Variants in IGF1 observed in about 807,000 individuals in gnomAD.
The protein encoded by IGF1 is insulin-like growth factor 1.
A neutral mutation model predicts 13.8 loss-of-function variants in IGF1; 4 were observed. The observed-to-expected ratio is 0.29, with a 90% CI of 0.14 to 0.66. The LOEUF is 0.66. Ranked by LOEUF, IGF1 falls within the 30% of genes least tolerant of loss-of-function variation. The pLI is 0.78. For synonymous variants in IGF1, 76 were observed against 72.6 expected (o/e 1.05, Z -0.23); for missense variants, 124 against 188.5 (o/e 0.66, Z 2.00).
intron 2 of IGF1, among the ~76,000 whole-genome samples, chr12:102,465,936 C>CAAATAAATAAATAAATAAAT (rs3032454): frequency 7.2e-6 from 1 of 139,390 alleles, no homozygotes; most frequent in African/African-American, 2.7e-5. Flanking sequence ...GACTCTGTTT[C>CAAATAAATAAATAAATAAAT]AAATAAATAA....
intron 2 of IGF1, among the ~76,000 whole-genome samples, chr12:102,457,917 G>A (rs933165186): frequency 6.6e-5 from 10 of 152,038 alleles, no homozygotes; most frequent in African/African-American, 1.7e-4. Flanking sequence ...TGGCTTTTTC[G>A]TTTCAGCTTC....
intron 2 of IGF1, among the ~76,000 whole-genome samples, chr12:102,442,653 C>A (rs1877966659): frequency 6.6e-6 from 1 of 152,030 alleles, no homozygotes; most frequent in African/African-American, 2.4e-5. Flanking sequence ...CACCATCCAA[C>A]AATAACAGGA....
At chr12:102,427,519 C>T (rs1359063210) in intron 2 of IGF1, among the ~76,000 whole-genome samples, 2 of 152,186 alleles carry the variant, frequency 1.3e-5, no homozygotes, top group African/African-American at 2.4e-5. Flanking sequence ...CCTCTGTTCT[C>T]AGGGGCCCTG....
chr12:102,427,604 G>A (rs1409371199), intron 2 of IGF1, among the ~76,000 whole-genome samples: 1 of 152,176 alleles, frequency 6.6e-6, no homozygotes, highest in Non-Finnish European at 1.5e-5. Flanking sequence ...AGGGGTGGGA[G>A]TGACATGGCC....
chr12:102,473,052 T>C (rs1317253292), intron 2 of IGF1, among the ~76,000 whole-genome samples: 1 of 152,164 alleles, frequency 6.6e-6, no homozygotes, highest in Non-Finnish European at 1.5e-5. Context: ...TCAATTCAAT[T>C]CAATCCTGTC....
At chr12:102,473,989 T>C (rs1162418967) in intron 2 of IGF1, among the ~76,000 whole-genome samples, 3 of 152,152 alleles carry the variant, frequency 2.0e-5, no homozygotes, top group African/African-American at 7.2e-5. Context: ...AGGACACTTC[T>C]AGGCTTGGCA....
At chr12:102,455,551 G>A (rs1416970009) in intron 2 of IGF1, among the ~76,000 whole-genome samples, 3 of 152,206 alleles carry the variant, frequency 2.0e-5, no homozygotes, top group Admixed American at 1.3e-4. Context: ...GGCATTTCAA[G>A]TGGGGGAGGA....
intron 3 of IGF1, among the ~76,000 whole-genome samples, chr12:102,413,508 C>T (rs914051948): frequency 2.0e-5 from 3 of 152,086 alleles, no homozygotes; most frequent in Non-Finnish European, 4.4e-5. Context: ...CCCTTACATT[C>T]GAACAGTGCA....
chr12:102,467,128 T>C (rs1880389426), intron 2 of IGF1, among the ~76,000 whole-genome samples: 1 of 152,146 alleles, frequency 6.6e-6, no homozygotes, highest in Admixed American at 6.5e-5. Context: ...TTGCCTCTGA[T>C]GAAAGACCCA....
intron 2 of IGF1, among the ~76,000 whole-genome samples, chr12:102,465,734 C>A (rs995890165): frequency 6.6e-6 from 1 of 152,044 alleles, no homozygotes; most frequent in Non-Finnish European, 1.5e-5. Flanking sequence ...GTCAGGAGTT[C>A]GAGACCAACC....
At chr12:102,447,151 G>T (rs1246314123) in intron 2 of IGF1, among the ~76,000 whole-genome samples, 1 of 152,034 alleles carries the variant, frequency 6.6e-6, no homozygotes, top group Non-Finnish European at 1.5e-5. Flanking sequence ...CCAATTATGT[G>T]GTCAATTTTA....
intron 1 of IGF1, among the ~76,000 whole-genome samples, chr12:102,479,367 G>A (rs950997117): frequency 2.0e-5 from 3 of 152,164 alleles, no homozygotes; most frequent in African/African-American, 4.8e-5. Context: ...CAATTGAATC[G>A]GTGGAGCCAG....
chr12:102,415,144 G>A (rs1047545046), intron 3 of IGF1, among the ~76,000 whole-genome samples: 3 of 152,092 alleles, frequency 2.0e-5, no homozygotes, highest in Non-Finnish European at 2.9e-5. Context: ...TCACTGTCTT[G>A]TGTAGGAGAA....
chr12:102,421,755 C>T (rs974543562), intron 2 of IGF1, among the ~76,000 whole-genome samples: 6 of 152,094 alleles, frequency 3.9e-5, no homozygotes, highest in African/African-American at 1.4e-4. Context: ...TCATGGTTAG[C>T]CTTTGAAGAT....
At chr12:102,474,527 A>T (rs1485692653) in intron 2 of IGF1, among the ~76,000 whole-genome samples, 1 of 152,188 alleles carries the variant, frequency 6.6e-6, no homozygotes, top group Non-Finnish European at 1.5e-5. Flanking sequence ...CCTGCCAGTC[A>T]TACACACACA....
chr12:102,423,202 A>G (rs568095669), intron 2 of IGF1: 85 of 131,134 alleles, frequency 6.5e-4, no homozygotes, highest in Non-Finnish European at 1.1e-3. Flanking sequence ...TTTTCTATCT[A>G]TTTGAAGTTC....
At chr12:102,403,261 A>T (rs890837311) in intron 3 of IGF1, among the ~76,000 whole-genome samples, 4 of 152,166 alleles carry the variant, frequency 2.6e-5, no homozygotes, top group African/African-American at 9.6e-5. Flanking sequence ...AATATATATA[A>T]AAGTACTTAC....
At chr12:102,407,160 C>CAAT (rs1472008348) in intron 3 of IGF1, among the ~76,000 whole-genome samples, 1 of 127,350 alleles carries the variant, frequency 7.9e-6, no homozygotes, top group Non-Finnish European at 1.7e-5. Context: ...ATAACAACGG[C>CAAT]AATAATAATA....
In IGF1 at chr12:102,400,340, A is replaced by C. The variant is rs1873580937; in HGVS notation, c.*2167T>G. On this transcript the variant is annotated 3_prime_UTR_variant, in exon 4 of 4. Coordinates refer to ENST00000337514, the MANE Select transcript of IGF1 (RefSeq NM_000618.5). ...GATAATTCATTGTTCTAATGAGAAA[A>C]TCTTGATCTGCAGATAGGGATCATT... The C allele has an allele frequency of 6.6e-6, 1 of 152,140 alleles. No homozygotes were observed. The allele number at this position is 152,140 out of a possible 1,614,324, so 9.4% of individuals were successfully genotyped here. A position where few individuals can be genotyped will look rare whatever the true frequency, so the allele number is the denominator to read the frequency against.
Sources: allele counts gnomAD v4.1 joint callset (sites outside exome capture counted in the v4.1 genomes callset), GRCh38; gene constraint gnomAD v4.1.1; transcripts MANE v1.5; gene names NCBI Gene and HGNC (gene_info 2026-07-23, HGNC 2026-07-21).